The following SPOCK3 variants were observed in gnomAD, a reference collection of about 807,000 sequenced individuals.
The protein encoded by SPOCK3 is testican-3.
SPOCK3 carries 30 observed loss-of-function variants against 56.6 expected under a neutral mutation model. That is an observed-to-expected ratio of 0.53 (90% CI 0.40 to 0.72). SPOCK3 has a LOEUF of 0.72. SPOCK3 is among the 30% of genes least tolerant of loss of function. The pLI, the probability that SPOCK3 is intolerant of heterozygous loss-of-function variation, is 0.00. For missense variants in SPOCK3, 527 were observed against 530.0 expected, an observed-to-expected ratio of 0.99 and a Z score of 0.06; for synonymous variants, 196 against 183.3, an observed-to-expected ratio of 1.07 and a Z score of -0.56.
intron 3 of SPOCK3, among the ~76,000 whole-genome samples, chr4:167,013,569 G>T (rs1020489898): frequency 1.3e-5 from 2 of 150,764 alleles, no homozygotes; most frequent in South Asian, 2.1e-4. Context: ...TATTTTTACC[G>T]GTTTCCATTT....
intron 4 of SPOCK3, among the ~76,000 whole-genome samples, chr4:166,990,853 A>G (rs1455127697): frequency 1.3e-5 from 2 of 152,126 alleles, no homozygotes; most frequent in African/African-American, 4.8e-5. Flanking sequence ...ATTTTAAGAA[A>G]TATAATTGAT....
chr4:167,205,373 T>A (rs1190064795), intron 2 of SPOCK3, among the ~76,000 whole-genome samples: 1 of 34,446 alleles, frequency 2.9e-5, no homozygotes, highest in South Asian at 6.2e-4. Flanking sequence ...ATATATTTTA[T>A]ATATATAATA....
chr4:167,220,583 G>C (rs1735816548), intron 2 of SPOCK3, among the ~76,000 whole-genome samples: 1 of 150,618 alleles, frequency 6.6e-6, no homozygotes, highest in Non-Finnish European at 1.5e-5. Flanking sequence ...ATGAGGTCTG[G>C]CTTTTTTGCT....
chr4:167,067,824 T>C (rs184766174), intron 2 of SPOCK3, among the ~76,000 whole-genome samples: 2 of 152,022 alleles, frequency 1.3e-5, no homozygotes. Flanking sequence ...TTTACAATAG[T>C]ACTGTCTTAC....
At chr4:167,011,131 A>C (rs779192936) in intron 3 of SPOCK3, 2 of 293,026 alleles carry the variant, frequency 6.8e-6, no homozygotes, top group African/African-American at 4.4e-5. Context: ...GATTGGACTT[A>C]TAAAAACCTC....
chr4:166,932,605 T>C (rs1391008536), intron 4 of SPOCK3, among the ~76,000 whole-genome samples: 1 of 152,310 alleles, frequency 6.6e-6, no homozygotes, highest in East Asian at 1.9e-4. Context: ...TTTTTGTTGC[T>C]AAAAATGCCA....
At position 167,227,051 on chromosome 4, in the gene SPOCK3, A is replaced by C. The variant is rs538199969; in HGVS notation, c.189+6934T>G. Among the ~76,000 whole-genome samples, 24 of 152,314 alleles carry C rather than the reference A, an allele frequency of 1.6e-4. No individual in the cohort carries two copies. In the South Asian group the frequency reaches 4.8e-3, roughly 30 times the overall value. On this transcript the variant is annotated intron_variant, in intron 2 of 10. Coordinates refer to ENST00000357545, the MANE Select transcript of SPOCK3 (RefSeq NM_001040159.2). ...AGTTCAGTAGTTGAAGAAGAAAGGG[A>C]AGATGCTAGTGCTTGATATTACCTA...
At chr4:166,770,038 A>T (rs1738719510) in intron 7 of SPOCK3, among the ~76,000 whole-genome samples, 1 of 152,130 alleles carries the variant, frequency 6.6e-6, no homozygotes, top group African/African-American at 2.4e-5. Flanking sequence ...CCGTTGAAAA[A>T]GCACAGTATT....
At position 166,825,863 on chromosome 4, in the gene SPOCK3, C is replaced by T. The variant is rs117818871; in HGVS notation, c.590-33574G>A. Among the ~76,000 whole-genome samples, 430 of 152,044 alleles carry T rather than the reference C, an allele frequency of 2.8e-3. 10 individuals are homozygous for T. The East Asian group carries it at 0.037, about 13-fold the overall frequency. On this transcript the variant is annotated intron_variant, in intron 6 of 10. Coordinates refer to ENST00000357545, the MANE Select transcript of SPOCK3 (RefSeq NM_001040159.2). ...CTATAAGGATGCAAAGGCATAAGAACAATAGAACGGACTTTGAGGACTCAG... is the reference window on the plus strand; with the variant it reads ...CTATAAGGATGCAAAGGCATAAGAATAATAGAACGGACTTTGAGGACTCAG...
chr4:166,752,559 TATATATATATATATAC>T (rs1471662530), intron 8 of SPOCK3, among the ~76,000 whole-genome samples: 24 of 39,628 alleles, frequency 6.1e-4, no homozygotes, highest in Non-Finnish European at 9.6e-4. Flanking sequence ...TGTGTATATA[TATATATATATATATAC>T]ACACACACAC....
At chr4:166,769,946 T>A (rs1195482384) in intron 7 of SPOCK3, among the ~76,000 whole-genome samples, 1 of 152,096 alleles carries the variant, frequency 6.6e-6, no homozygotes, top group African/African-American at 2.4e-5. Context: ...ACAGCTGTGC[T>A]AGTAACGAGT....
chr4:166,830,688 C>T (rs199977822), intron 6 of SPOCK3, among the ~76,000 whole-genome samples: 1 of 152,060 alleles, frequency 6.6e-6, no homozygotes, highest in African/African-American at 2.4e-5. Flanking sequence ...GAGCCAAGAT[C>T]GTGTCACTGC....
intron 3 of SPOCK3, among the ~76,000 whole-genome samples, chr4:167,053,199 C>G (rs1332260651): frequency 6.6e-6 from 1 of 152,110 alleles, no homozygotes; most frequent in East Asian, 1.9e-4. Flanking sequence ...CATGACTGCC[C>G]TTCCAAAGAG....
intron 5 of SPOCK3, among the ~76,000 whole-genome samples, chr4:166,899,740 C>A (rs1175652781): frequency 6.6e-6 from 1 of 152,054 alleles, no homozygotes; most frequent in Admixed American, 6.6e-5. Flanking sequence ...TAGTCTCGAA[C>A]TCCTAACCTC....
At chr4:167,076,929 C>T (rs994820020) in intron 2 of SPOCK3, among the ~76,000 whole-genome samples, 10 of 151,758 alleles carry the variant, frequency 6.6e-5, no homozygotes, top group African/African-American at 9.7e-5. Context: ...AATAAATATA[C>T]GTTTACTATA....
intron 4 of SPOCK3, among the ~76,000 whole-genome samples, chr4:166,915,861 A>G (rs1737788058): frequency 6.6e-6 from 1 of 152,200 alleles, no homozygotes; most frequent in Admixed American, 6.6e-5. Flanking sequence ...GCAGTTAGTT[A>G]TCTGAAATTA....
At chr4:167,169,129 C>T (rs1730266977) in intron 2 of SPOCK3, among the ~76,000 whole-genome samples, 1 of 152,176 alleles carries the variant, frequency 6.6e-6, no homozygotes, top group African/African-American at 2.4e-5. Context: ...GCAGGACCCT[C>T]ATGGTGAACC....
chr4:167,031,571 A>T (rs1752277130), intron 3 of SPOCK3, among the ~76,000 whole-genome samples: 1 of 152,056 alleles, frequency 6.6e-6, no homozygotes, highest in South Asian at 2.1e-4. Flanking sequence ...TATTTGAATT[A>T]CAGAGCCAAA....
intron 8 of SPOCK3, among the ~76,000 whole-genome samples, chr4:166,742,945 A>G (rs1735052213): frequency 6.6e-6 from 1 of 152,136 alleles, no homozygotes; most frequent in South Asian, 2.1e-4. Flanking sequence ...AAAAATAAAA[A>G]TCTAGAGATG....
Sources: gnomAD v4.1 joint callset for allele counts (sites outside exome capture counted in the v4.1 genomes callset) on GRCh38, gnomAD v4.1.1 for gene constraint, MANE v1.5 for transcripts, NCBI Gene and HGNC (gene_info 2026-07-23, HGNC 2026-07-21) for gene names.